ARHGEF26: variants seen among roughly 807,000 people sequenced by gnomAD.
ARHGEF26 encodes Rho guanine nucleotide exchange factor 26, also known as Rho guanine nucleotide exchange factor (GEF) 26.
ARHGEF26 carries 59 observed loss-of-function variants against 89.4 expected under a neutral mutation model. That is an observed-to-expected ratio of 0.66 (90% CI 0.54 to 0.82). The LOEUF is 0.82. Ranked by LOEUF, ARHGEF26 falls within the 40% of genes least tolerant of loss-of-function variation. ARHGEF26 has a pLI of 0.00. For missense variants in ARHGEF26, 1,234 were observed against 1,085.6 expected (o/e 1.14, Z -1.92); for synonymous variants, 500 against 428.4 (o/e 1.17, Z -2.06).
intron 7 of ARHGEF26, among the ~76,000 whole-genome samples, chr3:154,188,883 A>G (rs1471037093): frequency 1.3e-5 from 2 of 152,170 alleles, no homozygotes; most frequent in Non-Finnish European, 2.9e-5. Flanking sequence ...GATTTTTAGT[A>G]TAAAGCAGGG....
upstream of ARHGEF26, chr3:154,121,233 C>G (rs1717869476): frequency 6.6e-6 from 1 of 152,298 alleles, no homozygotes; most frequent in African/African-American, 2.4e-5. Flanking sequence ...GAACCCAGCT[C>G]AGGTGCGCTC....
chr3:154,134,418 G>GCAAAGAGAGAGCTTGTGC, intron 4 of ARHGEF26, among the ~76,000 whole-genome samples: 1 of 152,138 alleles, frequency 6.6e-6, no homozygotes, highest in Non-Finnish European at 1.5e-5. Flanking sequence ...ATGGCAGCAG[G>GCAAAGAGAGAGCTTGTGC]CAAAGAGAGA....
intron 12 of ARHGEF26, among the ~76,000 whole-genome samples, chr3:154,243,267 G>A (rs992667346): frequency 1.3e-5 from 2 of 152,136 alleles, no homozygotes; most frequent in Non-Finnish European, 2.9e-5. Context: ...CCCTTTCCCC[G>A]TATAGTTAGT....
intron 4 of ARHGEF26, among the ~76,000 whole-genome samples, chr3:154,141,239 A>G (rs1041976539): frequency 5.3e-5 from 8 of 152,128 alleles, no homozygotes; most frequent in Non-Finnish European, 1.0e-4. Flanking sequence ...TGCCGGGATT[A>G]TAGGTGAGAG....
chr3:154,227,768 A>G (rs1716585009), intron 11 of ARHGEF26, among the ~76,000 whole-genome samples: 1 of 152,150 alleles, frequency 6.6e-6, no homozygotes, highest in Non-Finnish European at 1.5e-5. Context: ...CTGTTGAAAT[A>G]TTTGTTCTGT....
chr3:154,256,506 T>C lies in ARHGEF26; in HGVS notation c.*1033T>C. On this transcript the variant is annotated 3_prime_UTR_variant, in exon 15 of 15. Transcript: ENST00000465093. ...CCTCGGCCTCCCCAAGTGCTGGGATTATAGGCATGAGCCACCGTGCCCAGC... is the reference window on the plus strand; with the variant it reads ...CCTCGGCCTCCCCAAGTGCTGGGATCATAGGCATGAGCCACCGTGCCCAGC... 2 of 940,478 alleles carry C rather than the reference T, an allele frequency of 2.1e-6. No homozygotes were observed. Among genetic ancestry groups the C allele is most frequent in the African/African-American group, 1.9e-5 (1 of 51,686 alleles). The allele number at this position is 940,478 out of a possible 1,614,324, so 58.3% of individuals were successfully genotyped here.
chr3:154,162,211 A>T lies in ARHGEF26; in HGVS notation c.1487+9279A>T, dbSNP rs947580225. Among the ~76,000 whole-genome samples, 30 of 152,168 alleles carry T rather than the reference A, an allele frequency of 2.0e-4. 1 individual carries two copies. The highest frequency in any genetic ancestry group is 2.9e-5 in the Non-Finnish European group (2 of 68,030). ...TTTTTGACTCTGCCAGTTGTGAGTA[A>T]AACAAGCAGGACCACACAGTTTTTC... is the stretch of plus-strand genomic sequence containing the variant. On this transcript the variant is annotated intron_variant, in intron 6 of 14. Coordinates refer to ENST00000465093, the MANE Select transcript of ARHGEF26 (RefSeq NM_015595.4).
At chr3:154,228,628 T>G (rs95506) in intron 11 of ARHGEF26, among the ~76,000 whole-genome samples, 104,891 of 151,474 alleles carry the variant, frequency 0.69, 36,581 homozygotes, top group East Asian at 0.87. Flanking sequence ...CCTAATTGTT[T>G]ATGACCTGAA....
At position 154,256,203 on chromosome 3, in the gene ARHGEF26, T is replaced by C. The variant is rs1303149885; in HGVS notation, c.*730T>C. ...ACAACGTAGAATTTAGATGGGTTCA[T>C]ATATGTGAGAAAAACCTGAATATAG... is the stretch of plus-strand genomic sequence containing the variant. On this transcript the variant is annotated 3_prime_UTR_variant, in exon 15 of 15. Coordinates refer to ENST00000465093, the MANE Select transcript of ARHGEF26 (RefSeq NM_015595.4). 4.1e-6 allele frequency: 4 copies of C among 985,834 alleles called. No individual in the cohort carries two copies. The highest frequency in any genetic ancestry group is 4.8e-6 in the Non-Finnish European group (4 of 830,068). The allele number at this position is 985,834 out of a possible 1,614,324, so 61.1% of individuals were successfully genotyped here.
intron 6 of ARHGEF26, among the ~76,000 whole-genome samples, chr3:154,162,492 A>G (rs560723978): frequency 2.6e-5 from 4 of 152,294 alleles, no homozygotes; most frequent in Non-Finnish European, 5.9e-5. Context: ...GCTGTGAAGT[A>G]TGCCAAATCC....
chr3:154,168,318 T>C (rs1217884352), intron 6 of ARHGEF26, among the ~76,000 whole-genome samples: 1 of 152,170 alleles, frequency 6.6e-6, no homozygotes, highest in African/African-American at 2.4e-5. Flanking sequence ...GGCTCACGTC[T>C]ATAATCCCAG....
At chr3:154,149,531 CTTG>C (rs1719893781) in intron 5 of ARHGEF26, 86 bp downstream of exon 5, 3 of 1,152,410 alleles carry the variant, frequency 2.6e-6, no homozygotes, top group East Asian at 5.1e-5. Flanking sequence ...ACTGTGTGCA[CTTG>C]TTTAGTGTTG....
intron 4 of ARHGEF26, among the ~76,000 whole-genome samples, chr3:154,145,168 C>A (rs1372101061): frequency 2.0e-5 from 3 of 152,148 alleles, no homozygotes; most frequent in Non-Finnish European, 2.9e-5. Flanking sequence ...GACACTCTTT[C>A]TGGACTCTGG....
In ARHGEF26 at chr3:154,179,066, T is replaced by C. The variant is rs114203590; in HGVS notation, c.1488-8619T>C. The stretch of plus-strand genomic sequence containing the variant: ...AGTAATTTCCAAGTTCTTGCGTAGA[T>C]GTTTCATTATACAAGCACTAGATGT... On this transcript the variant is annotated intron_variant, in intron 6 of 14. Transcript: ENST00000465093. 8.1e-3 allele frequency among the ~76,000 whole-genome samples: 1,237 copies of C among 152,342 alleles called. 11 individuals are homozygous for C. Among genetic ancestry groups the C allele is most frequent in the African/African-American group, 0.028 (1,175 of 41,576 alleles).
chr3:154,223,032 A>T (rs1480310903), intron 10 of ARHGEF26, among the ~76,000 whole-genome samples: 1 of 152,246 alleles, frequency 6.6e-6, no homozygotes, highest in East Asian at 1.9e-4. Flanking sequence ...TCTCCACTAG[A>T]AAACAGCTTT....
rs544273517 is a variant in ARHGEF26, at chr3:154,143,389, AAC to A, written c.1270-5998_1270-5997del. ...GCCTGCTGTTTTGTCACCTTTTTTT[AAC>A]AGTGTTATGAATGACCTTCTATGTC... On this transcript the variant is annotated intron_variant, in intron 4 of 14. Coordinates refer to ENST00000465093, the MANE Select transcript of ARHGEF26 (RefSeq NM_015595.4). 2.1e-3 allele frequency among the ~76,000 whole-genome samples: 318 copies of A among 152,088 alleles called. 1 individual carries two copies. The highest frequency in any genetic ancestry group is 3.9e-3 in the Non-Finnish European group (263 of 67,976).
chr3:154,220,689 G>A (rs1427963597), intron 10 of ARHGEF26, among the ~76,000 whole-genome samples: 3 of 152,104 alleles, frequency 2.0e-5, no homozygotes, highest in South Asian at 2.1e-4. Flanking sequence ...GGGAGCCACC[G>A]AAAAGTTCTA....
chr3:154,131,865 G>A (rs1414221039), intron 4 of ARHGEF26, among the ~76,000 whole-genome samples: 1 of 152,154 alleles, frequency 6.6e-6, no homozygotes, highest in Non-Finnish European at 1.5e-5. Flanking sequence ...TTAAATAATA[G>A]TGCATATCCT....
In ARHGEF26 at chr3:154,211,821, A is replaced by G. The variant is rs1207095089; in HGVS notation, c.1846-6048A>G. Among the ~76,000 whole-genome samples, 4 of 151,924 alleles carry G rather than the reference A, an allele frequency of 2.6e-5. No individual in the cohort carries two copies. The South Asian group carries it at 6.2e-4, about 24-fold the overall frequency. On this transcript the variant is annotated intron_variant, in intron 9 of 14. Coordinates refer to ENST00000465093, the MANE Select transcript of ARHGEF26 (RefSeq NM_015595.4). ...TAAGTTGCAGAACAATATAAATAGT[A>G]TAATGACACCTAGAAAATAATGTAT... is the stretch of plus-strand genomic sequence containing the variant.
Sources: allele counts gnomAD v4.1 joint callset (sites outside exome capture counted in the v4.1 genomes callset), GRCh38; gene constraint gnomAD v4.1.1; transcripts MANE v1.5; gene names NCBI Gene and HGNC (gene_info 2026-07-23, HGNC 2026-07-21).